UGGT1: variants seen among roughly 807,000 people sequenced by gnomAD.
The protein encoded by UGGT1 is UDP-glucose glycoprotein glucosyltransferase 1.
Under a neutral mutation model 203.9 loss-of-function variants are expected in UGGT1, and 107 were observed. The observed-to-expected ratio is 0.52, with a 90% CI of 0.45 to 0.62. The LOEUF is 0.62. UGGT1 is among the 20% of genes least tolerant of loss of function. The probability of loss-of-function intolerance (pLI) is 0.00; values close to 1 mark genes in which losing one functional copy is unlikely to be tolerated. For synonymous variants in UGGT1, 628 were observed against 653.5 expected (o/e 0.96, Z 0.59); for missense variants, 1,673 against 1,867.2 (o/e 0.90, Z 1.92).
chr2:128,130,373 A>G (rs1009514981), intron 13 of UGGT1, among the ~76,000 whole-genome samples: 1 of 152,152 alleles, frequency 6.6e-6, no homozygotes, highest in African/African-American at 2.4e-5. Flanking sequence ...TCTGTACTGC[A>G]TTCATTTTAG....
chr2:128,149,069 GTC>G (rs975928883), intron 18 of UGGT1, among the ~76,000 whole-genome samples: 3 of 151,908 alleles, frequency 2.0e-5, no homozygotes, highest in African/African-American at 7.2e-5. Flanking sequence ...TTGAGACAGG[GTC>G]TCTCTGTCAC....
chr2:128,094,085 G>A (rs967007265), intron 1 of UGGT1, among the ~76,000 whole-genome samples: 4 of 152,250 alleles, frequency 2.6e-5, no homozygotes, highest in African/African-American at 4.8e-5. Flanking sequence ...TCCACCTGGG[G>A]TTACAGTGCA....
chr2:128,171,861 A>G (rs917916987), intron 28 of UGGT1, among the ~76,000 whole-genome samples: 2 of 152,172 alleles, frequency 1.3e-5, no homozygotes, highest in Non-Finnish European at 2.9e-5. Flanking sequence ...TGGAATATAC[A>G]TGTTAGAGGA....
At chr2:128,139,211 T>G (rs1301460611) in intron 16 of UGGT1, among the ~76,000 whole-genome samples, 1 of 152,244 alleles carries the variant, frequency 6.6e-6, no homozygotes, top group Non-Finnish European at 1.5e-5. Context: ...TTTGTTTGTT[T>G]GTTTGAATAT....
rs1573550419 is a variant in UGGT1 at position 128,135,182 on chromosome 2, C to T, written c.1583+221C>T. Among the ~76,000 whole-genome samples the T allele has an allele frequency of 2.0e-5, 3 of 152,302 alleles. No individual in the cohort carries two copies. In the East Asian group the frequency reaches 5.8e-4, roughly 29 times the overall value. On this transcript the variant is annotated intron_variant, in intron 15 of 40. Coordinates refer to ENST00000259253, the MANE Select transcript of UGGT1 (RefSeq NM_020120.4). ...CCACCAATGAATTATCAATAAATAG[C>T]CCATGTAAAAATAGTTTCTGGCTGC...
chr2:128,105,583 C>T (rs1434295557), intron 3 of UGGT1, among the ~76,000 whole-genome samples: 1 of 151,186 alleles, frequency 6.6e-6, no homozygotes, highest in Non-Finnish European at 1.5e-5. Context: ...GGCGCGATCT[C>T]GACTCACTGC....
chr2:128,156,720 A>T (rs931155987), intron 21 of UGGT1, among the ~76,000 whole-genome samples: 3 of 152,038 alleles, frequency 2.0e-5, no homozygotes, highest in African/African-American at 7.2e-5. Context: ...GGCACCCGCC[A>T]CCACGTCCAG....
chr2:128,092,444 C>T (rs1350179754), intron 1 of UGGT1, among the ~76,000 whole-genome samples: 3 of 151,604 alleles, frequency 2.0e-5, no homozygotes, highest in Admixed American at 1.3e-4. Flanking sequence ...TGTACAGTAG[C>T]ATAGCACATT....
chr2:128,178,196 G>A (rs1227758964), intron 33 of UGGT1, among the ~76,000 whole-genome samples: 6 of 152,322 alleles, frequency 3.9e-5, no homozygotes, highest in South Asian at 2.1e-4. Flanking sequence ...TCCCTGCTCA[G>A]TTTACTTCCC....
rs1275370084 is a variant in UGGT1 at position 128,107,945 on chromosome 2, T to C, written c.285T>C (p.Asp95=). Residue 95 remains aspartate (D), a synonymous_variant, in exon 4 of 41, where the codon GAT becomes GAC. Transcript: ENST00000259253. ...NIGSSDHDGT[D]YSYYHAILEA... ...AATGTTCTTCCTTGACAGGTACCGA[T>C]TATTCCTACTATCATGCAATATTGG... The C allele has an allele frequency of 1.2e-6, 2 of 1,614,076 alleles. No homozygotes were observed. Among genetic ancestry groups the C allele is most frequent in the Non-Finnish European group, 1.7e-6 (2 of 1,180,016 alleles).
intron 3 of UGGT1, among the ~76,000 whole-genome samples, chr2:128,106,885 T>C (rs558058314): frequency 2.6e-5 from 4 of 152,262 alleles, no homozygotes; most frequent in African/African-American, 9.6e-5. Context: ...CGCACTATGT[T>C]ACCAAGGCTG....
intron 9 of UGGT1, 72 bp downstream of exon 9, chr2:128,120,528 T>G (rs758153327): frequency 2.6e-6 from 3 of 1,171,904 alleles, no homozygotes; most frequent in Non-Finnish European, 3.8e-6. Context: ...ATGCAAAATT[T>G]GAATTTAATT....
intron 34 of UGGT1, among the ~76,000 whole-genome samples, chr2:128,179,362 T>C (rs1691566306): frequency 6.6e-6 from 1 of 152,198 alleles, no homozygotes; most frequent in Non-Finnish European, 1.5e-5. Context: ...AGGGCCTCTG[T>C]GTAGGCTGCA....
At position 128,108,165 on chromosome 2, in the gene UGGT1, T is replaced by C. The variant is rs557929818; in HGVS notation, c.408+97T>C. The stretch of plus-strand genomic sequence containing the variant: ...CTGGAATTGAATTACAGAGCTATTA[T>C]CACTTTTTTGCCTGAAATTTTCTAG... On this transcript the variant is annotated intron_variant, in intron 4 of 40. Coordinates refer to ENST00000259253, the MANE Select transcript of UGGT1 (RefSeq NM_020120.4). The C allele has an allele frequency of 3.0e-4, 429 of 1,414,756 alleles. 2 individuals are homozygous for C. Among genetic ancestry groups the C allele is most frequent in the Middle Eastern group, 2.4e-3 (13 of 5,370 alleles). 87.6% of individuals were successfully genotyped at this position (1,414,756 alleles called of 1,614,324 possible). A position where few individuals can be genotyped will look rare whatever the true frequency, so the allele number is the denominator to read the frequency against.
intron 7 of UGGT1, 38 bp downstream of exon 7, chr2:128,115,258 A>T (rs757795318): frequency 6.4e-7 from 1 of 1,558,706 alleles, no homozygotes; most frequent in Non-Finnish European, 8.8e-7. Flanking sequence ...GCTTTCTTCA[A>T]ATATGAGTTA....
chr2:128,181,150 ACT>A, intron 36 of UGGT1, 78 bp downstream of exon 36: 1 of 1,383,656 alleles, frequency 7.2e-7, no homozygotes, highest in Non-Finnish European at 1.0e-6. Flanking sequence ...TATTTTTTCC[ACT>A]TATGGAAAAG....
Position 128,121,259 on chromosome 2 carries a change from T to C in UGGT1, c.1034T>C (p.Val345Ala). ...LASPVELALV[V>A]MKDLSQNFPT... ...TCTCCTGTTGAGTTGGCTTTGGTTG[T>C]CATGAAGGATCTTAGTCAGAATTTT... Residue 345 changes from valine to alanine, a missense_variant, in exon 10 of 41, where the codon GTC (valine) becomes GCC (alanine). By Grantham distance (64) the Val-to-Ala change is moderately conservative (BLOSUM62 0). Around this residue, in one of 4 missense-constraint regions of UGGT1, gnomAD observed 1,073 missense variants for 1,078.7 expected, o/e 0.99. Coordinates refer to ENST00000259253, the MANE Select transcript of UGGT1 (RefSeq NM_020120.4). 1.2e-6 allele frequency: 2 copies of C among 1,613,114 alleles called. 1 individual carries two copies. The highest frequency in any genetic ancestry group is 2.2e-5 in the South Asian group (2 of 90,770).
rs760062786 is a variant in UGGT1 at position 128,123,202 on chromosome 2, G to A, written c.1090G>A (p.Ala364Thr). The change falls in exon 11 of 41, where the codon GCT becomes ACT. Residue 364 changes from alanine (A) to threonine (T), a missense_variant. Transcript: ENST00000259253. ...TTTCCTTAGAGCAATAACAAAAACA[G>A]CTGTGAGCTCAGAACTTAGAACCGA... ...PTKARAITKT[A>T]VSSELRTEVE... The A allele has an allele frequency of 1.9e-6, 3 of 1,613,364 alleles. No individual in the cohort carries two copies. Among genetic ancestry groups the A allele is most frequent in the East Asian group, 2.2e-5 (1 of 44,806 alleles).
Position 128,150,199 on chromosome 2 carries a change from G to A in UGGT1, c.2017-2585G>A, listed in dbSNP as rs116564363. 2.2e-3 allele frequency among the ~76,000 whole-genome samples: 335 copies of A among 152,294 alleles called. 3 individuals are homozygous for A. The highest frequency in any genetic ancestry group is 7.5e-3 in the African/African-American group (311 of 41,568). On this transcript the variant is annotated intron_variant, in intron 18 of 40. Transcript: ENST00000259253. ...CGCCTGTAATACAACACTTCGAGAG[G>A]CTGAGGCTGGAGGATTAGTTGAGCC...
Sources: gnomAD v4.1 joint callset for allele counts (sites outside exome capture counted in the v4.1 genomes callset) on GRCh38, gnomAD v4.1.1 for gene constraint, gnomAD v4.1.1 regional missense constraint, MANE v1.5 for transcripts, NCBI Gene and HGNC (gene_info 2026-07-23, HGNC 2026-07-21) for gene names.